The following RALGAPA2 variants were observed in gnomAD, a reference collection of about 807,000 sequenced individuals.
The protein encoded by RALGAPA2 is ral GTPase-activating protein subunit alpha-2.
RALGAPA2 carries 139 observed loss-of-function variants against 230.4 expected under a neutral mutation model. The observed-to-expected ratio is 0.60, with a 90% CI of 0.53 to 0.69. The LOEUF (loss-of-function observed/expected upper bound fraction) is 0.69, where lower values mean the gene tolerates loss of function less well. Among genes scored for constraint, RALGAPA2 ranks in the 30% least tolerant of loss-of-function variants. The pLI is 0.00. For missense variants in RALGAPA2, 2,163 were observed against 2,276.0 expected, an observed-to-expected ratio of 0.95 and a Z score of 1.01; for synonymous variants, 847 against 837.8, an observed-to-expected ratio of 1.01 and a Z score of -0.19.
chr20:20,552,776 A>G (rs1175463085), intron 23 of RALGAPA2, among the ~76,000 whole-genome samples: 2 of 152,192 alleles, frequency 1.3e-5, no homozygotes, highest in African/African-American at 2.4e-5. Context: ...TTTAGTTACC[A>G]GAAGACCAGA....
intron 23 of RALGAPA2, among the ~76,000 whole-genome samples, chr20:20,556,490 C>T (rs143614531): frequency 1.5e-4 from 23 of 152,242 alleles, no homozygotes; most frequent in African/African-American, 2.2e-4. Flanking sequence ...TTGAAGATGC[C>T]GTGGCCTGAC....
At chr20:20,554,653 G>A (rs2064029510) in intron 23 of RALGAPA2, among the ~76,000 whole-genome samples, 1 of 151,544 alleles carries the variant, frequency 6.6e-6, no homozygotes, top group Admixed American at 6.6e-5. Flanking sequence ...TTTGAGACTA[G>A]GTTATAAGGC....
chr20:20,538,112 A>G (rs566527431), intron 24 of RALGAPA2, among the ~76,000 whole-genome samples: 9 of 152,302 alleles, frequency 5.9e-5, no homozygotes, highest in African/African-American at 1.9e-4. Flanking sequence ...TAACAGCTAC[A>G]CACAATTCAG....
At chr20:20,624,525 C>T (rs2066430694) in intron 10 of RALGAPA2, among the ~76,000 whole-genome samples, 1 of 151,982 alleles carries the variant, frequency 6.6e-6, no homozygotes, top group Non-Finnish European at 1.5e-5. Context: ...GACTAAACAA[C>T]TCTGTACATT....
At chr20:20,555,192 T>C (rs1230325390) in intron 23 of RALGAPA2, among the ~76,000 whole-genome samples, 1 of 152,238 alleles carries the variant, frequency 6.6e-6, no homozygotes, top group East Asian at 1.9e-4. Flanking sequence ...CTTTTCCGAC[T>C]GAATTGTCTT....
At chr20:20,509,375 T>C (rs2062633541) in intron 33 of RALGAPA2, among the ~76,000 whole-genome samples, 1 of 152,240 alleles carries the variant, frequency 6.6e-6, no homozygotes, top group African/African-American at 2.4e-5. Flanking sequence ...AAAATGGCAA[T>C]GGAGCTGCAG....
In RALGAPA2 at chr20:20,513,475, A is replaced by G. The variant is rs1157570049; in HGVS notation, c.4085-191T>C. Reference sequence around the variant, plus strand: ...CTCTCTGAGCTTTAATTCAGGAAGGAAAATGGGAATCCACTGGAATCGTGA... The same window carrying G: ...CTCTCTGAGCTTTAATTCAGGAAGGGAAATGGGAATCCACTGGAATCGTGA... On this transcript the variant is annotated intron_variant, in intron 31 of 39. Transcript: ENST00000202677. Among the ~76,000 whole-genome samples, 8 of 152,178 alleles carry G rather than the reference A, an allele frequency of 5.3e-5. No individual in the cohort carries two copies. In the East Asian group the frequency reaches 1.5e-3, roughly 29 times the overall value.
At chr20:20,397,526 AC>A (rs11479286) in intron 38 of RALGAPA2, among the ~76,000 whole-genome samples, 63,863 of 151,958 alleles carry the variant, frequency 0.42, 15,082 homozygotes, top group East Asian at 0.63. Flanking sequence ...CTTCTCCTGA[AC>A]TCTCAGCCCC....
intron 4 of RALGAPA2, among the ~76,000 whole-genome samples, chr20:20,650,118 G>A (rs2067348150): frequency 6.6e-6 from 1 of 152,068 alleles, no homozygotes; most frequent in South Asian, 2.1e-4. Context: ...ACCTCCAGAT[G>A]GAATAATGAA....
intron 1 of RALGAPA2, among the ~76,000 whole-genome samples, chr20:20,708,260 G>A (rs2069687313): frequency 6.6e-6 from 1 of 152,186 alleles, no homozygotes; most frequent in South Asian, 2.1e-4. Context: ...AATTGCACAT[G>A]TGGCTTACAT....
At chr20:20,578,952 TTTTC>T (rs1269386441) in intron 20 of RALGAPA2, among the ~76,000 whole-genome samples, 1 of 152,162 alleles carries the variant, frequency 6.6e-6, no homozygotes, top group Non-Finnish European at 1.5e-5. Context: ...TCATTATTAT[TTTTC>T]TTTCTAATAT....
At chr20:20,453,730 G>C (rs979828622) in intron 37 of RALGAPA2, among the ~76,000 whole-genome samples, 2 of 152,148 alleles carry the variant, frequency 1.3e-5, no homozygotes, top group Non-Finnish European at 2.9e-5. Context: ...ATTCAACAAA[G>C]AGCCCCTCCA....
chr20:20,458,729 C>CACACACCTATATATATATACAT (rs1292371436), intron 37 of RALGAPA2, among the ~76,000 whole-genome samples: 2 of 100,822 alleles, frequency 2.0e-5, no homozygotes, highest in Admixed American at 1.1e-4. Context: ...TATATATATA[C>CACACACCTATATATATATACAT]ACACACCTAT....
chr20:20,429,637 C>A (rs1203416989), intron 37 of RALGAPA2, among the ~76,000 whole-genome samples: 1 of 152,168 alleles, frequency 6.6e-6, no homozygotes, highest in African/African-American at 2.4e-5. Flanking sequence ...ACAATCAGTA[C>A]AAAATTCTAA....
chr20:20,486,785 T>A (rs2061923856), intron 36 of RALGAPA2, among the ~76,000 whole-genome samples: 1 of 152,246 alleles, frequency 6.6e-6, no homozygotes, highest in Non-Finnish European at 1.5e-5. Context: ...CCCCTCTGCA[T>A]TCCAGTTTCA....
chr20:20,668,637 A>AT (rs1252862203), intron 3 of RALGAPA2, among the ~76,000 whole-genome samples: 1 of 152,224 alleles, frequency 6.6e-6, no homozygotes, highest in Non-Finnish European at 1.5e-5. Context: ...CCACAGTCAA[A>AT]TGATAACACA....
At chr20:20,535,978 G>A (rs915222955) in intron 25 of RALGAPA2, among the ~76,000 whole-genome samples, 175 bp from the exon 26 acceptor site, 1 of 152,212 alleles carries the variant, frequency 6.6e-6, no homozygotes, top group South Asian at 2.1e-4. Context: ...GGGAGCGGGT[G>A]GTAGAAGATG....
chr20:20,656,716 T>C (rs964484943), intron 3 of RALGAPA2, among the ~76,000 whole-genome samples: 12 of 152,204 alleles, frequency 7.9e-5, no homozygotes, highest in African/African-American at 2.2e-4. Context: ...CACGTGAGCA[T>C]TGTCTTACCA....
chr20:20,691,713 G>A (rs2068917418), intron 1 of RALGAPA2, among the ~76,000 whole-genome samples: 1 of 152,144 alleles, frequency 6.6e-6, no homozygotes, highest in Non-Finnish European at 1.5e-5. Context: ...CACTAGCCTG[G>A]TCCATCAGAA....
Sources: allele counts gnomAD v4.1 joint callset (sites outside exome capture counted in the v4.1 genomes callset), GRCh38; gene constraint gnomAD v4.1.1; transcripts MANE v1.5; gene names NCBI Gene and HGNC (gene_info 2026-07-23, HGNC 2026-07-21).